Variants in COL12A1 observed in about 807,000 individuals in gnomAD.
COL12A1 encodes collagen alpha-1(XII) chain.
A neutral mutation model predicts 349.7 loss-of-function variants in COL12A1; 114 were observed. That is an observed-to-expected ratio of 0.33 (90% CI 0.28 to 0.38). The LOEUF (loss-of-function observed/expected upper bound fraction) is 0.38, where lower values mean the gene tolerates loss of function less well. COL12A1 is among the 10% of genes least tolerant of loss of function. The probability of loss-of-function intolerance (pLI) is 1.00; values close to 1 mark genes in which losing one functional copy is unlikely to be tolerated. For synonymous variants in COL12A1, 1,369 were observed against 1,329.0 expected, an observed-to-expected ratio of 1.03 and a Z score of -0.66; for missense variants, 3,284 against 3,756.9, an observed-to-expected ratio of 0.87 and a Z score of 3.29.
intron 47 of COL12A1, among the ~76,000 whole-genome samples, chr6:75,116,602 T>C (rs1033474210): frequency 1.7e-4 from 26 of 152,100 alleles, no homozygotes; most frequent in African/African-American, 5.8e-4. Context: ...CTTTCATCAG[T>C]GCAGCTCCAC....
chr6:75,136,206 G>GA lies in COL12A1; in HGVS notation c.5394+1230dup, dbSNP rs1044070314. Among the ~76,000 whole-genome samples the GA allele has an allele frequency of 5.3e-5, 8 of 151,546 alleles. 1 individual carries two copies. Among genetic ancestry groups the GA allele is most frequent in the East Asian group, 1.9e-4 (1 of 5,178 alleles). On this transcript the variant is annotated intron_variant, in intron 31 of 65. Transcript: ENST00000322507. The stretch of plus-strand genomic sequence containing the variant: ...TTTTACCGAAATCTGGCATGCCACA[G>GA]AAAAAAAAGAAGTTCTGTTTCTGAA...
chr6:75,189,187 A>T, intron 7 of COL12A1, 30 bp downstream of exon 7: 1 of 1,606,142 alleles, frequency 6.2e-7, no homozygotes, highest in Non-Finnish European at 8.5e-7. Flanking sequence ...GGAGTTGTAA[A>T]ATGGAAATAA....
chr6:75,156,402 T>C lies in COL12A1; in HGVS notation c.3105A>G (p.Arg1035=), dbSNP rs1456904859. The C allele has an allele frequency of 6.2e-7, 1 of 1,613,998 alleles. No individual in the cohort carries two copies. Among genetic ancestry groups the C allele is most frequent in the Non-Finnish European group, 8.5e-7 (1 of 1,179,928 alleles). The part of the protein sequence containing the change: ...NYRVVYRPHG[R]GKQMVAKVPP... ...GCACCTTAGCAACCATTTGCTTCCCTCTCCCATGAGGGCGATAGACAACAC... is the reference window on the plus strand; with the variant it reads ...GCACCTTAGCAACCATTTGCTTCCCCCTCCCATGAGGGCGATAGACAACAC... The change falls in exon 15 of 66, where the codon AGA becomes AGG. Residue 1035 remains arginine (R), a synonymous_variant. Transcript: ENST00000322507.
In COL12A1 at chr6:75,198,694, T is replaced by C. The variant is rs1370654732; in HGVS notation, c.74-3747A>G. On this transcript the variant is annotated intron_variant, in intron 2 of 65. Transcript: ENST00000322507. ...CTATGTCCAAGAAATTACCGGCCAC[T>C]GCAGAGATGAATGAAGGGAAGGATG... Among the ~76,000 whole-genome samples, 9 of 152,234 alleles carry C rather than the reference T, an allele frequency of 5.9e-5. No homozygotes were observed. The East Asian group carries it at 1.7e-3, about 29-fold the overall frequency.
At chr6:75,163,068 T>A (rs912346290) in intron 14 of COL12A1, among the ~76,000 whole-genome samples, 1 of 152,218 alleles carries the variant, frequency 6.6e-6, no homozygotes, top group Admixed American at 6.5e-5. Context: ...TTGGTAGCAG[T>A]GTAAATTAGT....
intron 26 of COL12A1, 84 bp from the exon 27 acceptor site, chr6:75,142,245 G>A (rs539281840): frequency 7.5e-5 from 111 of 1,478,780 alleles, no homozygotes; most frequent in South Asian, 5.5e-4. Flanking sequence ...ACCTGTCAGC[G>A]TAAGAATATA....
intron 5 of COL12A1, among the ~76,000 whole-genome samples, chr6:75,191,192 A>C (rs1005410078): frequency 1.3e-5 from 2 of 152,034 alleles, no homozygotes; most frequent in Admixed American, 1.3e-4. Flanking sequence ...AAAAGGTTAC[A>C]ACTACCATCA....
intron 11 of COL12A1, among the ~76,000 whole-genome samples, chr6:75,178,820 G>A (rs1769113193): frequency 6.6e-6 from 1 of 152,152 alleles, no homozygotes; most frequent in South Asian, 2.1e-4. Context: ...AGAAAGAAAG[G>A]AAGGAAGTAT....
rs958413189 is a variant in COL12A1 at position 75,177,228 on chromosome 6, G to A, written c.2437+435C>T. ...ATGTCGGCCAGATCACCTGAGGTCA[G>A]GAGTCTCAGACCAGCCTGGCCAACA... On this transcript the variant is annotated intron_variant, in intron 12 of 65. Coordinates refer to ENST00000322507, the MANE Select transcript of COL12A1 (RefSeq NM_004370.6). Among the ~76,000 whole-genome samples, 5 of 152,116 alleles carry A rather than the reference G, an allele frequency of 3.3e-5. No homozygotes were observed. In the South Asian group the frequency reaches 1.0e-3, roughly 32 times the overall value.
intron 39 of COL12A1, among the ~76,000 whole-genome samples, chr6:75,125,700 C>T (rs1192125184): frequency 6.6e-6 from 1 of 152,042 alleles, no homozygotes; most frequent in African/African-American, 2.4e-5. Flanking sequence ...TAGTTACCAA[C>T]CCCACTTTCT....
At chr6:75,139,914 G>A (rs986818436) in intron 27 of COL12A1, among the ~76,000 whole-genome samples, 1 of 151,792 alleles carries the variant, frequency 6.6e-6, no homozygotes, top group East Asian at 1.9e-4. Flanking sequence ...CTATTTTCTG[G>A]TAACCAAAGC....
chr6:75,157,579 C>A (rs764651593), intron 14 of COL12A1, among the ~76,000 whole-genome samples: 1 of 152,132 alleles, frequency 6.6e-6, no homozygotes, highest in Non-Finnish European at 1.5e-5. Context: ...TTGGAATTTC[C>A]AGTCCCCAGT....
chr6:75,201,207 T>C (rs1316468878), intron 2 of COL12A1, among the ~76,000 whole-genome samples: 1 of 152,204 alleles, frequency 6.6e-6, no homozygotes, highest in Non-Finnish European at 1.5e-5. Context: ...GTGAATTATC[T>C]AAAAATATCT....
Position 75,183,545 on chromosome 6 carries a change from G to C in COL12A1, c.1396C>G (p.Leu466Val), listed in dbSNP as rs1380663161. 3 of 1,613,878 alleles carry C rather than the reference G, an allele frequency of 1.9e-6. No individual in the cohort carries two copies. In the South Asian group the frequency reaches 3.3e-5, roughly 18 times the overall value. The change falls in exon 10 of 66, where the codon CTT (leucine) becomes GTT (valine). Residue 466 changes from leucine to valine, a missense_variant. By Grantham distance (32) the Leu-to-Val change is conservative. Transcript: ENST00000322507. ...FVKVRAFLEV[L>V]VKSFEISPNR... Reference sequence around the variant, plus strand: ...GGTGAAATTTCAAAACTTTTTACAAGAACTTCCAAAAAGGCTCTAACTTTA... The same window carrying C: ...GGTGAAATTTCAAAACTTTTTACAACAACTTCCAAAAAGGCTCTAACTTTA...
intron 1 of COL12A1, among the ~76,000 whole-genome samples, chr6:75,204,214 G>A (rs987912033): frequency 6.6e-6 from 1 of 152,170 alleles, no homozygotes; most frequent in Non-Finnish European, 1.5e-5. Flanking sequence ...TCAGTGAAAA[G>A]CAAGAGGTGA....
Position 75,121,224 on chromosome 6 carries a change from A to G in COL12A1, c.7086+78T>C, listed in dbSNP as rs552967453. The G allele has an allele frequency of 2.1e-5, 28 of 1,318,750 alleles. No individual in the cohort carries two copies. In the African/African-American group the frequency reaches 3.3e-4, roughly 15 times the overall value. 81.7% of individuals were successfully genotyped at this position (1,318,750 alleles called of 1,614,324 possible). A position where few individuals can be genotyped will look rare whatever the true frequency, so the allele number is the denominator to read the frequency against. ...TCAAAACAGAGTTTATATTGAAAAG[A>G]CTTTTTACTTAAAAAGAGAAGTTCA... On this transcript the variant is annotated intron_variant, in intron 44 of 65. Transcript: ENST00000322507.
chr6:75,119,528 A>G, intron 44 of COL12A1, 55 bp from the exon 45 acceptor site: 1 of 1,549,200 alleles, frequency 6.5e-7, no homozygotes, highest in Non-Finnish European at 8.7e-7. Flanking sequence ...TTATGTTTCA[A>G]TCTTCAAATG....
intron 13 of COL12A1, among the ~76,000 whole-genome samples, chr6:75,172,989 G>A (rs377266648): frequency 8.5e-5 from 13 of 152,272 alleles, no homozygotes; most frequent in African/African-American, 1.4e-4. Flanking sequence ...ATATGCAGGC[G>A]TCTTGGAACC....
intron 31 of COL12A1, among the ~76,000 whole-genome samples, chr6:75,135,816 T>C (rs1422724563): frequency 1.3e-5 from 2 of 152,194 alleles, no homozygotes; most frequent in African/African-American, 4.8e-5. Context: ...GAGAGAAAAG[T>C]ATCAATACCA....
Sources: gnomAD v4.1 joint callset for allele counts (sites outside exome capture counted in the v4.1 genomes callset) on GRCh38, gnomAD v4.1.1 for gene constraint, MANE v1.5 for transcripts, NCBI Gene and HGNC (gene_info 2026-07-23, HGNC 2026-07-21) for gene names.